Variants in PITPNC1 observed in about 807,000 individuals in gnomAD.
PITPNC1 encodes the protein cytoplasmic phosphatidylinositol transfer protein 1.
A neutral mutation model predicts 44.7 loss-of-function variants in PITPNC1; 18 were observed. The observed-to-expected ratio is 0.40, with a 90% CI of 0.28 to 0.60. The LOEUF (loss-of-function observed/expected upper bound fraction) is 0.60. PITPNC1 is among the 20% of genes least tolerant of loss of function. The pLI is 0.39. For synonymous variants in PITPNC1, 141 were observed against 149.6 expected, an observed-to-expected ratio of 0.94 and a Z score of 0.42; for missense variants, 290 against 418.4, an observed-to-expected ratio of 0.69 and a Z score of 2.68.
intron 1 of PITPNC1, among the ~76,000 whole-genome samples, chr17:67,400,510 A>AT (rs989568294): frequency 2.0e-5 from 3 of 152,096 alleles, no homozygotes; most frequent in Non-Finnish European, 4.4e-5. Flanking sequence ...ATAGTTTAGC[A>AT]TTTTTTTAAA....
At chr17:67,468,388 T>TGG (rs951488800) in intron 1 of PITPNC1, among the ~76,000 whole-genome samples, 27 of 142,890 alleles carry the variant, frequency 1.9e-4, no homozygotes, top group African/African-American at 7.0e-4. Flanking sequence ...AATGAACAGG[T>TGG]GGCTTTCTTT....
Position 67,583,986 on chromosome 17 carries a change from G to A in PITPNC1, c.366+5729G>A, listed in dbSNP as rs546380135. Among the ~76,000 whole-genome samples the A allele has an allele frequency of 2.7e-4, 41 of 151,488 alleles. No individual in the cohort carries two copies. The South Asian group carries it at 5.5e-3, about 20-fold the overall frequency. On this transcript the variant is annotated intron_variant, in intron 5 of 8. Transcript: ENST00000581322. ...GATCTCCCGACCTCATGATCCGCCC[G>A]CCTCGGCTTCCCAAATTGCTGGGAT...
intron 8 of PITPNC1, among the ~76,000 whole-genome samples, chr17:67,681,913 T>C (rs2042716201): frequency 6.6e-6 from 1 of 152,066 alleles, no homozygotes; most frequent in Non-Finnish European, 1.5e-5. Flanking sequence ...GGAATACACA[T>C]GAGGCCAGGT....
chr17:67,378,272 C>T, intron 1 of PITPNC1, 70 bp downstream of exon 1: 3 of 1,076,008 alleles, frequency 2.8e-6, no homozygotes, highest in Non-Finnish European at 3.8e-6. Flanking sequence ...TCCTGGCCGG[C>T]GAGCCCCGGG....
At chr17:67,620,159 T>C (rs1039909463) in intron 5 of PITPNC1, among the ~76,000 whole-genome samples, 3 of 152,062 alleles carry the variant, frequency 2.0e-5, no homozygotes, top group African/African-American at 7.2e-5. Flanking sequence ...ACTCAAAAGG[T>C]CCTCCTGCCT....
intron 1 of PITPNC1, among the ~76,000 whole-genome samples, chr17:67,493,206 G>C (rs2039887117): frequency 6.6e-6 from 1 of 152,148 alleles, no homozygotes; most frequent in Non-Finnish European, 1.5e-5. Flanking sequence ...GGGTTTTCTT[G>C]GAGCAAGTTC....
At chr17:67,441,956 C>T (rs978902636) in intron 1 of PITPNC1, among the ~76,000 whole-genome samples, 2 of 151,692 alleles carry the variant, frequency 1.3e-5, no homozygotes, top group African/African-American at 4.8e-5. Context: ...GATTGTAACC[C>T]CTGAAGCGTT....
chr17:67,378,864 G>A (rs529321141), intron 1 of PITPNC1: 86 of 456,066 alleles, frequency 1.9e-4, no homozygotes, highest in African/African-American at 1.7e-3. Flanking sequence ...CGCGCGAGCC[G>A]GGAGCGGCGG....
At chr17:67,678,720 G>C (rs933801294) in intron 8 of PITPNC1, among the ~76,000 whole-genome samples, 1 of 152,132 alleles carries the variant, frequency 6.6e-6, no homozygotes, top group Non-Finnish European at 1.5e-5. Flanking sequence ...AGTAATTCTG[G>C]GAACTGTGGG....
chr17:67,433,871 T>C (rs993592125), intron 1 of PITPNC1, among the ~76,000 whole-genome samples: 1 of 152,046 alleles, frequency 6.6e-6, no homozygotes, highest in Non-Finnish European at 1.5e-5. Context: ...CACTGCACTC[T>C]AGCCTGGGTG....
chr17:67,507,053 C>T (rs765288767), intron 1 of PITPNC1, among the ~76,000 whole-genome samples: 7 of 152,082 alleles, frequency 4.6e-5, no homozygotes, highest in South Asian at 2.1e-4. Context: ...TAGACCCACT[C>T]GTTAGGATTG....
intron 1 of PITPNC1, among the ~76,000 whole-genome samples, chr17:67,383,217 G>C (rs2037990970): frequency 6.6e-6 from 1 of 152,182 alleles, no homozygotes; most frequent in African/African-American, 2.4e-5. Context: ...GGCTGGTCTC[G>C]AACTCCTGAG....
chr17:67,631,635 C>A (rs2952458), intron 5 of PITPNC1, among the ~76,000 whole-genome samples: 2,928 of 15,714 alleles, frequency 0.19, 980 homozygotes, highest in Admixed American at 0.3. Flanking sequence ...TCTCAAAAAC[C>A]AAAAAAAAAA....
chr17:67,614,077 A>C (rs781118475), intron 5 of PITPNC1, among the ~76,000 whole-genome samples: 96 of 151,380 alleles, frequency 6.3e-4, no homozygotes, highest in Non-Finnish European at 9.4e-4. Flanking sequence ...ACAGAACAAG[A>C]CTCTGTCTCA....
chr17:67,494,216 T>TCTTTC (rs371994851), intron 1 of PITPNC1, among the ~76,000 whole-genome samples: 5 of 148,112 alleles, frequency 3.4e-5, no homozygotes, highest in African/African-American at 7.8e-5. Flanking sequence ...TTTCTTTCTT[T>TCTTTC]TTGAGACGTA....
At chr17:67,498,020 C>G (rs937229270) in intron 1 of PITPNC1, among the ~76,000 whole-genome samples, 10 of 151,910 alleles carry the variant, frequency 6.6e-5, no homozygotes, top group Admixed American at 6.6e-4. Flanking sequence ...GCCACCAGGC[C>G]TGGCTAATTT....
chr17:67,619,995 C>T (rs1290150807), intron 5 of PITPNC1, among the ~76,000 whole-genome samples: 1 of 152,124 alleles, frequency 6.6e-6, no homozygotes, highest in Non-Finnish European at 1.5e-5. Flanking sequence ...CTGAAGATTA[C>T]TTCTCAGTCT....
At chr17:67,586,439 A>AAC in intron 5 of PITPNC1, among the ~76,000 whole-genome samples, 1 of 151,492 alleles carries the variant, frequency 6.6e-6, no homozygotes, top group African/African-American at 2.4e-5. Context: ...AAAAAAAAAA[A>AAC]AAAAAATTAG....
chr17:67,630,161 A>G (rs2041947859), intron 5 of PITPNC1, among the ~76,000 whole-genome samples: 1 of 152,220 alleles, frequency 6.6e-6, no homozygotes, highest in African/African-American at 2.4e-5. Flanking sequence ...GGGTTAGGAC[A>G]GTGTTCTTGG....
Sources: allele counts gnomAD v4.1 joint callset (sites outside exome capture counted in the v4.1 genomes callset), GRCh38; gene constraint gnomAD v4.1.1; transcripts MANE v1.5; gene names NCBI Gene and HGNC (gene_info 2026-07-23, HGNC 2026-07-21).